TYR: variants seen among roughly 807,000 people sequenced by gnomAD.
The protein encoded by TYR is LB24-AB.
Under a neutral mutation model 51.5 loss-of-function variants are expected in TYR, and 58 were observed. The ratio of observed to expected loss-of-function variants is 1.13; its 90% CI spans 0.91 to 1.40. The LOEUF is 1.40. Among genes scored for constraint, TYR ranks in the 40% most tolerant of loss-of-function variants. The pLI, the probability that TYR is intolerant of heterozygous loss-of-function variation, is 0.00. For synonymous variants in TYR, 263 were observed against 235.2 expected, an observed-to-expected ratio of 1.12 and a Z score of -1.08; for missense variants, 732 against 647.4, an observed-to-expected ratio of 1.13 and a Z score of -1.42.
chr11:89,210,758 C>A (rs1943743874), intron 2 of TYR, among the ~76,000 whole-genome samples: 1 of 152,232 alleles, frequency 6.6e-6, no homozygotes, highest in Non-Finnish European at 1.5e-5. Flanking sequence ...ATCAGACTAA[C>A]AGCAGATCTC....
intron 2 of TYR, among the ~76,000 whole-genome samples, chr11:89,224,476 T>G (rs1230206853): frequency 6.6e-6 from 1 of 152,178 alleles, no homozygotes; most frequent in East Asian, 1.9e-4. Context: ...CAGCAGTATC[T>G]TCAAAGTGGC....
At chr11:89,293,336 TAC>T (rs59899373) in intron 4 of TYR, among the ~76,000 whole-genome samples, 29,134 of 147,450 alleles carry the variant, frequency 0.2, 3,154 homozygotes, top group African/African-American at 0.26. Flanking sequence ...ATTTTATGCA[TAC>T]ACACACACAC....
At chr11:89,248,359 G>C (rs1381026692) in intron 3 of TYR, among the ~76,000 whole-genome samples, 1 of 152,096 alleles carries the variant, frequency 6.6e-6, no homozygotes, top group Non-Finnish European at 1.5e-5. Context: ...AATTACTTGG[G>C]AGAAGGTTCC....
intron 1 of TYR, among the ~76,000 whole-genome samples, chr11:89,189,504 C>A (rs892223239): frequency 6.6e-6 from 1 of 151,286 alleles, no homozygotes; most frequent in African/African-American, 2.4e-5. Context: ...CAAAATGAAA[C>A]TATTTCTAGT....
At chr11:89,275,320 T>G (rs1309737097) in intron 3 of TYR, among the ~76,000 whole-genome samples, 1 of 151,880 alleles carries the variant, frequency 6.6e-6, no homozygotes, top group Non-Finnish European at 1.5e-5. Context: ...TGTCCACCTT[T>G]CTGTTTTAAT....
At chr11:89,208,200 G>A (rs867297609) in intron 2 of TYR, among the ~76,000 whole-genome samples, 12 of 152,230 alleles carry the variant, frequency 7.9e-5, no homozygotes, top group African/African-American at 2.9e-4. Flanking sequence ...AATCCAGGAG[G>A]CGGAGCCTGC....
chr11:89,218,383 A>G (rs1191269147), intron 2 of TYR, among the ~76,000 whole-genome samples: 1 of 152,206 alleles, frequency 6.6e-6, no homozygotes, highest in Non-Finnish European at 1.5e-5. Flanking sequence ...TAATATAATT[A>G]AGAACTAGAT....
At chr11:89,216,754 C>G (rs1217240979) in intron 2 of TYR, among the ~76,000 whole-genome samples, 3 of 151,132 alleles carry the variant, frequency 2.0e-5, no homozygotes, top group African/African-American at 7.3e-5. Flanking sequence ...TCTTCAAGAT[C>G]TGGTAGTGCA....
chr11:89,265,784 G>A (rs1299376584), intron 3 of TYR, among the ~76,000 whole-genome samples: 1 of 151,934 alleles, frequency 6.6e-6, no homozygotes, highest in East Asian at 1.9e-4. Flanking sequence ...TTCCTTTCTT[G>A]AAAGTGGCAA....
chr11:89,228,371 T>G (rs1369252530), intron 3 of TYR, among the ~76,000 whole-genome samples: 1 of 152,100 alleles, frequency 6.6e-6, no homozygotes, highest in Non-Finnish European at 1.5e-5. Flanking sequence ...AGGTAGGGGA[T>G]GTAAAACTCC....
At chr11:89,240,620 A>G (rs1944179513) in intron 3 of TYR, among the ~76,000 whole-genome samples, 1 of 152,020 alleles carries the variant, frequency 6.6e-6, no homozygotes. Flanking sequence ...TCATTTGTTC[A>G]TGGCTTTAAG....
intron 2 of TYR, among the ~76,000 whole-genome samples, chr11:89,215,560 G>C (rs997696983): frequency 6.6e-6 from 1 of 152,064 alleles, no homozygotes; most frequent in Non-Finnish European, 1.5e-5. Context: ...CTTTGGCAAA[G>C]AATAAATGGC....
intron 2 of TYR, among the ~76,000 whole-genome samples, chr11:89,213,115 A>C (rs930084420): frequency 2.0e-5 from 3 of 152,228 alleles, no homozygotes; most frequent in African/African-American, 7.2e-5. Flanking sequence ...AAAGAAAAAA[A>C]GGATATTGAA....
intron 3 of TYR, among the ~76,000 whole-genome samples, chr11:89,242,532 T>C (rs992163562): frequency 6.6e-6 from 1 of 152,140 alleles, no homozygotes; most frequent in African/African-American, 2.4e-5. Flanking sequence ...TTATAGCACA[T>C]AGACCTGCTA....
chr11:89,216,525 C>T (rs972201746), intron 2 of TYR, among the ~76,000 whole-genome samples: 5 of 151,508 alleles, frequency 3.3e-5, no homozygotes, highest in African/African-American at 1.2e-4. Context: ...TGGTGATGCA[C>T]CCCTGTAGTC....
At chr11:89,201,361 G>A (rs1943596639) in intron 2 of TYR, among the ~76,000 whole-genome samples, 1 of 152,068 alleles carries the variant, frequency 6.6e-6, no homozygotes, top group Non-Finnish European at 1.5e-5. Flanking sequence ...ATGATTTCCT[G>A]TGGGAAACAT....
intron 3 of TYR, among the ~76,000 whole-genome samples, chr11:89,237,505 G>A (rs1228216224): frequency 1.3e-5 from 2 of 152,054 alleles, no homozygotes; most frequent in South Asian, 2.1e-4. Flanking sequence ...AATCATAAAT[G>A]CTTGACTTTA....
At chr11:89,248,679 G>A (rs1382256200) in intron 3 of TYR, among the ~76,000 whole-genome samples, 2 of 152,168 alleles carry the variant, frequency 1.3e-5, no homozygotes, top group Non-Finnish European at 2.9e-5. Context: ...TAATCCAGGT[G>A]CTGAAATAAT....
intron 3 of TYR, among the ~76,000 whole-genome samples, chr11:89,260,178 C>G (rs1478558109): frequency 1.3e-5 from 2 of 151,052 alleles, no homozygotes; most frequent in African/African-American, 4.9e-5. Context: ...TACTATCAGA[C>G]AGTTTTATTA....
Sources: allele counts gnomAD v4.1 joint callset (sites outside exome capture counted in the v4.1 genomes callset), GRCh38; gene constraint gnomAD v4.1.1; transcripts MANE v1.5; gene names NCBI Gene and HGNC (gene_info 2026-07-23, HGNC 2026-07-21).